The following CACNA1C variants were observed in gnomAD, a reference collection of about 807,000 sequenced individuals.
CACNA1C encodes the protein voltage-dependent L-type calcium channel subunit alpha-1C.
A neutral mutation model predicts 229.0 loss-of-function variants in CACNA1C; 30 were observed. The ratio of observed to expected loss-of-function variants is 0.13; its 90% CI spans 0.10 to 0.18. The LOEUF (loss-of-function observed/expected upper bound fraction) is 0.18, where lower values mean the gene tolerates loss of function less well. Ranked by LOEUF, CACNA1C falls within the 10% of genes least tolerant of loss-of-function variation. The probability of loss-of-function intolerance (pLI) is 1.00; values close to 1 mark genes in which losing one functional copy is unlikely to be tolerated. For missense variants in CACNA1C, 1,658 were observed against 2,845.0 expected, an observed-to-expected ratio of 0.58 and a Z score of 9.49; for synonymous variants, 1,114 against 1,132.5, an observed-to-expected ratio of 0.98 and a Z score of 0.33.
At chr12:2,335,158 C>T (rs1021835255) in intron 3 of CACNA1C, among the ~76,000 whole-genome samples, 7 of 152,170 alleles carry the variant, frequency 4.6e-5, no homozygotes, top group African/African-American at 1.7e-4. Flanking sequence ...CAAAGTGTGA[C>T]TGTGATCCCC....
At chr12:1,973,857 A>C (rs986820171) in intron 1 of CACNA1C, among the ~76,000 whole-genome samples, 6 of 152,108 alleles carry the variant, frequency 3.9e-5, no homozygotes, top group Non-Finnish European at 8.8e-5. Context: ...AAATTTCAAA[A>C]TCTCCTTGGC....
rs140773017 is a variant in CACNA1C, at chr12:2,458,075, A to G, written c.757+369A>G. Among the ~76,000 whole-genome samples the G allele has an allele frequency of 7.2e-3, 1,101 of 152,326 alleles. 8 individuals are homozygous for G. The highest frequency in any genetic ancestry group is 0.012 in the Non-Finnish European group (796 of 68,016). On this transcript the variant is annotated intron_variant, in intron 5 of 46. Coordinates refer to ENST00000399655, the MANE Select transcript of CACNA1C (RefSeq NM_000719.7). ...TCCGAGGCTCCAGAGCACTTTAGCCAATGAGATTATCTCTACTTTCTGTGT... is the reference window on the plus strand; with the variant it reads ...TCCGAGGCTCCAGAGCACTTTAGCCGATGAGATTATCTCTACTTTCTGTGT...
At chr12:2,361,166 CT>C (rs1175423219) in intron 3 of CACNA1C, among the ~76,000 whole-genome samples, 1 of 148,192 alleles carries the variant, frequency 6.7e-6, no homozygotes, top group African/African-American at 2.5e-5. Context: ...TGCGGTGGTA[CT>C]TTAAAAAAAA....
intron 3 of CACNA1C, among the ~76,000 whole-genome samples, chr12:2,276,062 T>C (rs962857558): frequency 6.6e-6 from 1 of 152,086 alleles, no homozygotes; most frequent in African/African-American, 2.4e-5. Context: ...TTTTTTAATT[T>C]GTATAATTTT....
rs1454760665 is a variant in CACNA1C, at chr12:2,646,191, A to C, written c.3913-2284A>C. Among the ~76,000 whole-genome samples the C allele has an allele frequency of 6.6e-6, 1 of 152,280 alleles. No homozygotes were observed. The highest frequency in any genetic ancestry group is 1.5e-5 in the Non-Finnish European group (1 of 68,050). ...GGGAGCTATAAAATGCAACAAGAAAAAAGACAGTTAAGACAAATGTTTAAA... is the reference window on the plus strand; with the variant it reads ...GGGAGCTATAAAATGCAACAAGAAACAAGACAGTTAAGACAAATGTTTAAA... On this transcript the variant is annotated intron_variant, in intron 30 of 46. Coordinates refer to ENST00000399655, the MANE Select transcript of CACNA1C (RefSeq NM_000719.7). The surrounding 1 kb of genome is among the most constrained non-coding windows in gnomAD (Gnocchi z 4.6).
intron 27 of CACNA1C, among the ~76,000 whole-genome samples, chr12:2,610,235 G>A (rs904322664): frequency 1.6e-4 from 24 of 152,308 alleles, no homozygotes; most frequent in East Asian, 5.8e-4. Flanking sequence ...ACTCCCTGCC[G>A]AGGCACATGC....
At chr12:2,437,750 G>C (rs946975497) in intron 3 of CACNA1C, among the ~76,000 whole-genome samples, 1 of 152,034 alleles carries the variant, frequency 6.6e-6, no homozygotes, top group African/African-American at 2.4e-5. Context: ...AATGGGGATG[G>C]TGGTAATGGT....
At chr12:2,437,419 A>G (rs1429995151) in intron 3 of CACNA1C, among the ~76,000 whole-genome samples, 2 of 152,238 alleles carry the variant, frequency 1.3e-5, no homozygotes, top group Non-Finnish European at 1.5e-5. Flanking sequence ...CTTTCCCTCT[A>G]ATCACAAACA....
rs150415068 is a variant in CACNA1C at position 1,993,289 on chromosome 12, A to C, written c.139+22088A>C. ...ATCTGGCATTTCTGTAGAGAAGGAA[A>C]GGGTCCTGGAGTTGGAAATCCAAGT... On this transcript the variant is annotated intron_variant, in intron 1 of 46. Transcript: ENST00000682462. 1.2e-3 allele frequency: 1,930 copies of C among 1,614,154 alleles called. 7 individuals are homozygous for C. The highest frequency in any genetic ancestry group is 1.9e-3 in the South Asian group (177 of 91,076).
At chr12:2,364,632 G>C (rs928586595) in intron 3 of CACNA1C, among the ~76,000 whole-genome samples, 1 of 152,212 alleles carries the variant, frequency 6.6e-6, no homozygotes, top group Non-Finnish European at 1.5e-5. Flanking sequence ...CTGCTGAGAG[G>C]TCCAGCTCTC....
At chr12:2,516,072 A>G (rs190377464) in intron 9 of CACNA1C, among the ~76,000 whole-genome samples, 12 of 152,132 alleles carry the variant, frequency 7.9e-5, no homozygotes, top group Admixed American at 7.2e-4. Flanking sequence ...TGAAGGGGGA[A>G]GAGTGTTGAG....
At chr12:2,672,743 A>G (rs957642695) in intron 38 of CACNA1C, among the ~76,000 whole-genome samples, 2 of 152,218 alleles carry the variant, frequency 1.3e-5, no homozygotes, top group African/African-American at 4.8e-5. Context: ...TGAAAATCCT[A>G]TTTCCAACTA....
At chr12:2,289,139 C>T (rs574633049) in intron 3 of CACNA1C, among the ~76,000 whole-genome samples, 4 of 152,276 alleles carry the variant, frequency 2.6e-5, no homozygotes, top group African/African-American at 9.6e-5. Flanking sequence ...AGCCAAGCTT[C>T]CTGAAAAATG....
Position 2,005,611 on chromosome 12 carries a change from G to GT in CACNA1C, c.139+34419dup, listed in dbSNP as rs34370840. Among the ~76,000 whole-genome samples the GT allele has an allele frequency of 1.6e-4, 25 of 151,694 alleles. 1 individual carries two copies. In the South Asian group the frequency reaches 1.9e-3, roughly 11 times the overall value. ...TGAGCTTGACATCTCAGTACTTAAT[G>GT]TTTTTTTTTCTGATGAGATCAGTGA... On this transcript the variant is annotated intron_variant, in intron 1 of 46. Transcript: ENST00000682462.
At chr12:2,335,237 T>G (rs2096656992) in intron 3 of CACNA1C, among the ~76,000 whole-genome samples, 1 of 152,174 alleles carries the variant, frequency 6.6e-6, no homozygotes, top group African/African-American at 2.4e-5. Flanking sequence ...GTTCCACAAG[T>G]GGCCCCAGTG....
chr12:2,527,391 C>T (rs1197969668), intron 9 of CACNA1C, among the ~76,000 whole-genome samples: 1 of 152,156 alleles, frequency 6.6e-6, no homozygotes, highest in Admixed American at 6.6e-5. Context: ...GTTGAAAAGC[C>T]TTAATTATTT....
At chr12:2,655,041 G>A in intron 33 of CACNA1C, 106 bp from the exon 34 acceptor site, 2 of 737,070 alleles carry the variant, frequency 2.7e-6, no homozygotes, top group South Asian at 1.6e-5. Flanking sequence ...GTGGCAGCCA[G>A]TTCCAGGGAC....
chr12:2,616,937 T>G (rs547618385), intron 29 of CACNA1C, among the ~76,000 whole-genome samples: 14 of 152,380 alleles, frequency 9.2e-5, no homozygotes, highest in Middle Eastern at 3.4e-3. Flanking sequence ...TCTGGGGCTG[T>G]GGCTCCTGTC....
intron 3 of CACNA1C, among the ~76,000 whole-genome samples, chr12:2,160,138 A>C (rs1185546927): frequency 1.3e-5 from 2 of 152,124 alleles, no homozygotes; most frequent in Non-Finnish European, 2.9e-5. Flanking sequence ...CTGTGGCCCT[A>C]GTGCGATGTC....
Sources: gnomAD v4.1 joint callset for allele counts (sites outside exome capture counted in the v4.1 genomes callset) on GRCh38, gnomAD v4.1.1 for gene constraint, Gnocchi (gnomAD v3.1) non-coding constraint, MANE v1.5 for transcripts, NCBI Gene and HGNC (gene_info 2026-07-23, HGNC 2026-07-21) for gene names.